Variants in RHPN2 observed in about 807,000 individuals in gnomAD.
RHPN2 encodes the protein rhophilin Rho GTPase binding protein 2.
RHPN2 carries 40 observed loss-of-function variants against 79.0 expected under a neutral mutation model. The ratio of observed to expected loss-of-function variants is 0.51; its 90% CI spans 0.39 to 0.66. The LOEUF (loss-of-function observed/expected upper bound fraction) is 0.66, where lower values mean the gene tolerates loss of function less well. Among genes scored for constraint, RHPN2 ranks in the 30% least tolerant of loss-of-function variants. The pLI is 0.00. For missense variants in RHPN2, 686 were observed against 883.5 expected, an observed-to-expected ratio of 0.78 and a Z score of 2.83; for synonymous variants, 285 against 363.5, an observed-to-expected ratio of 0.78 and a Z score of 2.46.
chr19:33,044,499 A>G lies in RHPN2; in HGVS notation c.70-135T>C. The G allele has an allele frequency of 1.1e-5, 8 of 716,776 alleles. No homozygotes were observed. The South Asian group carries it at 1.3e-4, about 11-fold the overall frequency. 44.4% of individuals were successfully genotyped at this position (716,776 alleles called of 1,614,324 possible). ...AAAGCATCTACATAGAAAATATTGAAAAGTATAAAGAAAAGTCGCTCATAA... is the reference window on the plus strand; with the variant it reads ...AAAGCATCTACATAGAAAATATTGAGAAGTATAAAGAAAAGTCGCTCATAA... On this transcript the variant is annotated intron_variant, in intron 1 of 14. Transcript: ENST00000254260.
chr19:33,015,386 T>C (rs1422962460), intron 4 of RHPN2, among the ~76,000 whole-genome samples: 2 of 152,112 alleles, frequency 1.3e-5, no homozygotes, highest in Non-Finnish European at 2.9e-5. Flanking sequence ...GATTGAGCCA[T>C]TGCACTCCAG....
At chr19:33,023,122 A>C (rs146617029) in intron 3 of RHPN2, among the ~76,000 whole-genome samples, 373 of 152,264 alleles carry the variant, frequency 2.4e-3, no homozygotes, top group Non-Finnish European at 4.1e-3. Flanking sequence ...GCTAAGAAAG[A>C]AACAGTCTAC....
At chr19:32,983,356 C>CA (rs1016473814) in intron 14 of RHPN2, among the ~76,000 whole-genome samples, 3 of 151,634 alleles carry the variant, frequency 2.0e-5, no homozygotes, top group Admixed American at 6.6e-5. Flanking sequence ...ACTAAAAATA[C>CA]AAAAAATTAG....
At chr19:32,995,059 G>C (rs1264667743) in intron 11 of RHPN2, among the ~76,000 whole-genome samples, 1 of 152,082 alleles carries the variant, frequency 6.6e-6, no homozygotes, top group Non-Finnish European at 1.5e-5. Flanking sequence ...CTGGGATACC[G>C]TGCTTTCTGT....
At chr19:33,013,972 C>A (rs1308945958) in intron 4 of RHPN2, among the ~76,000 whole-genome samples, 1 of 151,616 alleles carries the variant, frequency 6.6e-6, no homozygotes, top group Non-Finnish European at 1.5e-5. Context: ...CTTCTCCAGG[C>A]TGAAGCAATC....
intron 1 of RHPN2, among the ~76,000 whole-genome samples, chr19:33,057,695 G>GAAA (rs71176188): frequency 1.9e-4 from 27 of 141,780 alleles, no homozygotes; most frequent in African/African-American, 6.0e-4. Context: ...AAAAAAGATA[G>GAAA]AAAAAAAAAA....
chr19:33,008,040 G>A lies in RHPN2; in HGVS notation c.734C>T (p.Ala245Val). Residue 245 changes from alanine to valine, a missense_variant, in exon 7 of 15, where the codon GCC becomes GTC. By Grantham distance (64) the Ala-to-Val change is moderately conservative. Coordinates refer to ENST00000254260, the MANE Select transcript of RHPN2 (RefSeq NM_033103.5). Reference protein sequence around the residue: ...DRQTQAGLESAIDAFQRAAGV... With the variant: ...DRQTQAGLESVIDAFQRAAGV... ...TGCGGCTCTCTGAAAGGCATCTATG[G>A]CACTCTCCAGCCCAGCCTGCGTCTG... is the stretch of plus-strand genomic sequence containing the variant. 6.2e-7 allele frequency: 1 copy of A among 1,612,708 alleles called. No individual in the cohort carries two copies. Among genetic ancestry groups the A allele is most frequent in the Non-Finnish European group, 8.5e-7 (1 of 1,179,974 alleles).
intron 4 of RHPN2, among the ~76,000 whole-genome samples, chr19:33,013,908 TTTG>T (rs34600526): frequency 0.38 from 57,473 of 151,388 alleles, 11,554 homozygotes; most frequent in Non-Finnish European, 0.47. Flanking sequence ...AGGGTCTCAC[TTTG>T]TTGCCTCGGC....
intron 14 of RHPN2, among the ~76,000 whole-genome samples, chr19:32,988,801 C>T (rs1387259810): frequency 6.6e-6 from 1 of 152,216 alleles, no homozygotes; most frequent in African/African-American, 2.4e-5. Flanking sequence ...GATAGAGCCT[C>T]GCCCCCTCCC....
At chr19:32,991,541 A>G in intron 13 of RHPN2, 1 of 425,186 alleles carries the variant, frequency 2.4e-6, no homozygotes, top group Non-Finnish European at 4.4e-6. Context: ...CTGAGACAGG[A>G]GAATCACTTG....
intron 1 of RHPN2, among the ~76,000 whole-genome samples, chr19:33,044,621 T>C (rs1038739893): frequency 5.9e-5 from 9 of 152,156 alleles, no homozygotes; most frequent in African/African-American, 2.2e-4. Flanking sequence ...AGCTAGGCAC[T>C]GTGGCTCATG....
intron 10 of RHPN2, among the ~76,000 whole-genome samples, chr19:32,996,630 G>C (rs572707414): frequency 6.6e-6 from 1 of 152,186 alleles, no homozygotes; most frequent in African/African-American, 2.4e-5. Flanking sequence ...TGTATTTTTT[G>C]TAACTGCTTC....
chr19:32,997,190 C>T (rs535834686), intron 10 of RHPN2, among the ~76,000 whole-genome samples: 132 of 152,278 alleles, frequency 8.7e-4, no homozygotes, highest in African/African-American at 2.8e-3. Flanking sequence ...TGAGTCACCG[C>T]GCCCAGCCCA....
At chr19:33,036,647 G>A (rs1024844053) in intron 2 of RHPN2, among the ~76,000 whole-genome samples, 3 of 152,168 alleles carry the variant, frequency 2.0e-5, no homozygotes, top group African/African-American at 4.8e-5. Context: ...AGGGAGAGGC[G>A]CGGGCGGGAA....
chr19:33,024,396 A>G (rs148744967), intron 3 of RHPN2, among the ~76,000 whole-genome samples: 3 of 152,024 alleles, frequency 2.0e-5, no homozygotes, highest in South Asian at 2.1e-4. Flanking sequence ...TCATGCCACT[A>G]CACTCCAGCC....
intron 14 of RHPN2, among the ~76,000 whole-genome samples, chr19:32,981,829 C>G (rs1280854372): frequency 6.6e-6 from 1 of 150,834 alleles, no homozygotes; most frequent in African/African-American, 2.4e-5. Context: ...TGCTCCACTG[C>G]CACCATCCAT....
At chr19:33,017,775 C>T (rs1971890223) in intron 4 of RHPN2, among the ~76,000 whole-genome samples, 1 of 149,778 alleles carries the variant, frequency 6.7e-6, no homozygotes, top group African/African-American at 2.4e-5. Flanking sequence ...AATCCCAGCA[C>T]TTTGGAAGGC....
At chr19:33,064,755 T>TGGCCCCC in intron 1 of RHPN2, 29 bp downstream of exon 1, 15 of 1,427,932 alleles carry the variant, frequency 1.1e-5, no homozygotes, top group African/African-American at 1.5e-5. Flanking sequence ...AGCCCGCAGG[T>TGGCCCCC]CCCCGCCCGC....
At chr19:33,032,230 T>C (rs933642917) in intron 2 of RHPN2, among the ~76,000 whole-genome samples, 2 of 151,508 alleles carry the variant, frequency 1.3e-5, no homozygotes, top group Non-Finnish European at 2.9e-5. Flanking sequence ...CATGTTGGCC[T>C]GGTCTCCACC....
Sources: allele counts gnomAD v4.1 joint callset (sites outside exome capture counted in the v4.1 genomes callset), GRCh38; gene constraint gnomAD v4.1.1; transcripts MANE v1.5; gene names NCBI Gene and HGNC (gene_info 2026-07-23, HGNC 2026-07-21).